The following TRDN variants were observed in gnomAD, a reference collection of about 807,000 sequenced individuals.
The protein encoded by TRDN is triadin.
In TRDN, 161 loss-of-function variants were observed where a neutral mutation model predicts 149.7. That is an observed-to-expected ratio of 1.08 (90% CI 0.95 to 1.23). The LOEUF is 1.23. Ranked by LOEUF, TRDN falls within the 50% of genes most tolerant of loss-of-function variation. TRDN has a pLI of 0.00. For missense variants in TRDN, 896 were observed against 823.5 expected (o/e 1.09, Z -1.08); for synonymous variants, 294 against 250.5 (o/e 1.17, Z -1.64).
At position 123,593,878 on chromosome 6, in the gene TRDN, G is replaced by A. The variant is rs190038281; in HGVS notation, c.23-22746C>T. Among the ~76,000 whole-genome samples, 277 of 152,228 alleles carry A rather than the reference G, an allele frequency of 1.8e-3. 2 individuals are homozygous for A. The highest frequency in any genetic ancestry group is 6.4e-3 in the African/African-American group (267 of 41,548). ...ATAAAATTATCTTTTAAAAGTTTAA[G>A]TTAAATGTACACCTAAGGCATTACT... On this transcript the variant is annotated intron_variant, in intron 1 of 40. Coordinates refer to ENST00000334268, the MANE Select transcript of TRDN (RefSeq NM_006073.4).
chr6:123,338,341 T>C (rs972685763), intron 21 of TRDN, among the ~76,000 whole-genome samples: 2 of 152,142 alleles, frequency 1.3e-5, no homozygotes, highest in Admixed American at 6.6e-5. Context: ...TTTTGCTCCG[T>C]AGGCCATTTA....
intron 23 of TRDN, among the ~76,000 whole-genome samples, chr6:123,327,091 G>C (rs550858244): frequency 6.6e-4 from 100 of 152,066 alleles, no homozygotes; most frequent in African/African-American, 2.3e-3. Context: ...GCAAATATGA[G>C]AGCGGAATTT....
At chr6:123,314,758 C>T (rs972323872) in intron 24 of TRDN, among the ~76,000 whole-genome samples, 2 of 152,048 alleles carry the variant, frequency 1.3e-5, no homozygotes, top group East Asian at 1.9e-4. Context: ...AACCAAATAC[C>T]GCATGTTCTC....
chr6:123,310,277 C>T (rs760385016), intron 24 of TRDN, among the ~76,000 whole-genome samples: 1 of 151,984 alleles, frequency 6.6e-6, no homozygotes, highest in African/African-American at 2.4e-5. Context: ...AAAGTCATAA[C>T]ATTAATGGAA....
intron 39 of TRDN, among the ~76,000 whole-genome samples, chr6:123,223,577 AT>A (rs1775232769): frequency 6.6e-6 from 1 of 151,800 alleles, no homozygotes; most frequent in East Asian, 1.9e-4. Flanking sequence ...GAAATACTTT[AT>A]GAAGTTCGTA....
intron 9 of TRDN, among the ~76,000 whole-genome samples, chr6:123,472,266 C>G (rs1012273769): frequency 6.6e-6 from 1 of 152,180 alleles, no homozygotes; most frequent in South Asian, 2.1e-4. Context: ...TTGCCTCAGT[C>G]GGGAAGTGCA....
chr6:123,395,562 T>C (rs1459760471), intron 12 of TRDN, among the ~76,000 whole-genome samples: 2 of 152,184 alleles, frequency 1.3e-5, no homozygotes, highest in Non-Finnish European at 2.9e-5. Context: ...CTCTTCTTTC[T>C]ACTAAGACTT....
At chr6:123,273,235 A>G in intron 28 of TRDN, 102 bp downstream of exon 28, 1 of 924,908 alleles carries the variant, frequency 1.1e-6, no homozygotes, top group Non-Finnish European at 1.5e-6. Context: ...GCTGTAATAA[A>G]ACATAAATAT....
Position 123,218,165 on chromosome 6 carries a change from GCAAAAGGGT to G in TRDN, c.*427_*435del, listed in dbSNP as rs1304515055. On this transcript the variant is annotated 3_prime_UTR_variant, in exon 41 of 41. Coordinates refer to ENST00000334268, the MANE Select transcript of TRDN (RefSeq NM_006073.4). ...AATTAAGTTTAGATACCCATATGAT[GCAAAAGGGT>G]CACTTTTATATAAGCTTCCCCATCT... 1 of 152,264 alleles carries G rather than the reference GCAAAAGGGT, an allele frequency of 6.6e-6. No homozygotes were observed. The highest frequency in any genetic ancestry group is 1.9e-4 in the East Asian group (1 of 5,138). 9.4% of individuals were successfully genotyped at this position (152,264 alleles called of 1,614,324 possible).
rs953076075 is a variant in TRDN, at chr6:123,636,382, A to G, written c.22+372T>C. On this transcript the variant is annotated intron_variant, in intron 1 of 40. Transcript: ENST00000334268. ...TATTTTAAGTAAGCATTAGTGTAAT[A>G]TTTTAAGTTCATCATGGTCTCCATC... Among the ~76,000 whole-genome samples, 27 of 152,072 alleles carry G rather than the reference A, an allele frequency of 1.8e-4. 1 individual carries two copies. The highest frequency in any genetic ancestry group is 1.5e-3 in the Admixed American group (23 of 15,236).
At chr6:123,352,642 C>G (rs1298628015) in intron 20 of TRDN, 56 bp from the exon 21 acceptor site, 40 of 1,553,184 alleles carry the variant, frequency 2.6e-5, no homozygotes, top group Non-Finnish European at 3.5e-5. Flanking sequence ...ACTGCTTCTG[C>G]TCAAAAAAAG....
chr6:123,292,092 A>G (rs1190450850), intron 24 of TRDN, among the ~76,000 whole-genome samples: 2 of 152,178 alleles, frequency 1.3e-5, no homozygotes, highest in Non-Finnish European at 2.9e-5. Context: ...GCTCAACTCC[A>G]TTCCCTTCGG....
At chr6:123,596,938 C>G (rs1173025929) in intron 1 of TRDN, among the ~76,000 whole-genome samples, 2 of 151,962 alleles carry the variant, frequency 1.3e-5, no homozygotes, top group East Asian at 3.9e-4. Context: ...TTTGATGCCC[C>G]CTAACACAAA....
At chr6:123,506,597 T>C (rs1179134779) in intron 7 of TRDN, among the ~76,000 whole-genome samples, 1 of 152,130 alleles carries the variant, frequency 6.6e-6, no homozygotes, top group African/African-American at 2.4e-5. Context: ...CAAGCAATTC[T>C]CCTGCATCAG....
chr6:123,420,940 G>A (rs887256565), intron 12 of TRDN, among the ~76,000 whole-genome samples: 1 of 152,208 alleles, frequency 6.6e-6, no homozygotes, highest in South Asian at 2.1e-4. Flanking sequence ...CAACTGAAGT[G>A]CTCATATGAA....
intron 26 of TRDN, among the ~76,000 whole-genome samples, chr6:123,278,010 G>C (rs556749046): frequency 2.6e-4 from 39 of 152,270 alleles, no homozygotes; most frequent in Non-Finnish European, 4.7e-4. Context: ...GAGAGCAGAT[G>C]TTTTGCTGAT....
Position 123,547,324 on chromosome 6 carries a change from G to T in TRDN, c.424+16C>A. 7.0e-7 allele frequency: 1 copy of T among 1,419,144 alleles called. No homozygotes were observed. The highest frequency in any genetic ancestry group is 9.4e-7 in the Non-Finnish European group (1 of 1,065,102). The allele number at this position is 1,419,144 out of a possible 1,614,324, so 87.9% of individuals were successfully genotyped here. On this transcript the variant is annotated intron_variant, in intron 4 of 40. Coordinates refer to ENST00000334268, the MANE Select transcript of TRDN (RefSeq NM_006073.4). ...TAAGAGAAAAATAATTATTATCAAAGGTGAAAACAACTAACCTTTTTTTCT... is the reference window on the plus strand; with the variant it reads ...TAAGAGAAAAATAATTATTATCAAATGTGAAAACAACTAACCTTTTTTTCT...
chr6:123,318,275 T>C (rs1779107329), intron 23 of TRDN, among the ~76,000 whole-genome samples: 1 of 152,034 alleles, frequency 6.6e-6, no homozygotes, highest in Non-Finnish European at 1.5e-5. Context: ...AGCACAATTC[T>C]AGTGATGAGA....
intron 1 of TRDN, among the ~76,000 whole-genome samples, chr6:123,614,300 C>CAAAAAAAA (rs1199509406): frequency 2.0e-5 from 2 of 99,856 alleles, no homozygotes; most frequent in Non-Finnish European, 3.9e-5. Context: ...AAAAAAAAAA[C>CAAAAAAAA]AAAAAAAAAA....
Sources: gnomAD v4.1 joint callset for allele counts (sites outside exome capture counted in the v4.1 genomes callset) on GRCh38, gnomAD v4.1.1 for gene constraint, MANE v1.5 for transcripts, NCBI Gene and HGNC (gene_info 2026-07-23, HGNC 2026-07-21) for gene names.